The following SLMAP variants were observed in gnomAD, a reference collection of about 807,000 sequenced individuals.
SLMAP encodes the protein sarcolemmal membrane-associated protein.
SLMAP carries 44 observed loss-of-function variants against 128.8 expected under a neutral mutation model. The observed-to-expected ratio is 0.34, with a 90% CI of 0.27 to 0.44. The LOEUF (loss-of-function observed/expected upper bound fraction) is 0.44. Ranked by LOEUF, SLMAP falls within the 20% of genes least tolerant of loss-of-function variation. The pLI is 1.00. For missense variants in SLMAP, 787 were observed against 985.3 expected (o/e 0.80, Z 2.69); for synonymous variants, 327 against 348.8 (o/e 0.94, Z 0.70).
chr3:57,873,883 G>A (rs2095542243), intron 14 of SLMAP, among the ~76,000 whole-genome samples: 1 of 152,164 alleles, frequency 6.6e-6, no homozygotes, highest in South Asian at 2.1e-4. Context: ...TACTTTGGAA[G>A]GCTGAGGCGG....
intron 2 of SLMAP, among the ~76,000 whole-genome samples, chr3:57,810,498 G>A (rs1394972368): frequency 6.6e-6 from 1 of 152,130 alleles, no homozygotes; most frequent in African/African-American, 2.4e-5. Context: ...GAAAAATTCT[G>A]TTGATTTCAC....
At chr3:57,895,510 A>AT (rs2096219296) in intron 15 of SLMAP, among the ~76,000 whole-genome samples, 1 of 151,606 alleles carries the variant, frequency 6.6e-6, no homozygotes. Context: ...AATTTTTTGT[A>AT]TTTTTTGTAG....
chr3:57,900,783 G>A (rs185730945), intron 17 of SLMAP: 16 of 152,344 alleles, frequency 1.1e-4, no homozygotes, highest in African/African-American at 3.1e-4. Context: ...CTCTAGCCTC[G>A]GTGACAGAGC....
intron 3 of SLMAP, among the ~76,000 whole-genome samples, chr3:57,831,990 G>C (rs2093366340): frequency 6.6e-6 from 1 of 152,214 alleles, no homozygotes; most frequent in Non-Finnish European, 1.5e-5. Context: ...ATGGCTGCAA[G>C]CCCCAGGCAT....
intron 2 of SLMAP, among the ~76,000 whole-genome samples, chr3:57,787,621 A>G (rs898199362): frequency 6.6e-6 from 1 of 152,168 alleles, no homozygotes; most frequent in African/African-American, 2.4e-5. Flanking sequence ...GATTACAGGC[A>G]TGCGCCACGA....
intron 15 of SLMAP, among the ~76,000 whole-genome samples, chr3:57,894,757 T>C (rs1210571157): frequency 2.0e-5 from 3 of 152,162 alleles, no homozygotes; most frequent in Non-Finnish European, 2.9e-5. Context: ...AATGGCTCTT[T>C]TGAGGTTAGG....
At chr3:57,871,732 T>C (rs2095483800) in intron 14 of SLMAP, 34 bp downstream of exon 14, 4 of 1,517,630 alleles carry the variant, frequency 2.6e-6, no homozygotes, top group Non-Finnish European at 3.7e-6. Flanking sequence ...TTGATTTTAA[T>C]GAAGTCAGGG....
rs1400924005 is a variant in SLMAP, at chr3:57,909,217, T to G, written c.1699+67T>G. The G allele has an allele frequency of 3.3e-6, 4 of 1,211,366 alleles. No individual in the cohort carries two copies. In the African/African-American group the frequency reaches 6.2e-5, roughly 19 times the overall value. 75.0% of individuals were successfully genotyped at this position (1,211,366 alleles called of 1,614,324 possible). On this transcript the variant is annotated intron_variant, in intron 19 of 24. Transcript: ENST00000671191. ...TTTGTTTTTAGTGATTCAAAAGGAA[T>G]GGAGGCCAGGCGCAGTGGCTCATGC... is the stretch of plus-strand genomic sequence containing the variant.
rs748357817 is a variant in SLMAP at position 57,841,389 on chromosome 3, C to CTGTGAAGTTTT, written c.419+29_419+39dup. The CTGTGAAGTTTT allele has an allele frequency of 6.5e-7, 1 of 1,528,084 alleles. No individual in the cohort carries two copies. Among genetic ancestry groups the CTGTGAAGTTTT allele is most frequent in the African/African-American group, 1.4e-5 (1 of 72,478 alleles). The allele number at this position is 1,528,084 out of a possible 1,614,324, so 94.7% of individuals were successfully genotyped here. A position where few individuals can be genotyped will look rare whatever the true frequency, so the allele number is the denominator to read the frequency against. ...CGCTCAGAGTGAGTATAATTTAGTA[C>CTGTGAAGTTTT]TGTGAAGTTTTTGTGAAGTTTAGTA... On this transcript the variant is annotated intron_variant, in intron 4 of 24. Coordinates refer to ENST00000671191, the MANE Select transcript of SLMAP (RefSeq NM_001377540.1).
At chr3:57,845,012 G>T (rs1286401349) in intron 4 of SLMAP, among the ~76,000 whole-genome samples, 1 of 152,056 alleles carries the variant, frequency 6.6e-6, no homozygotes, top group African/African-American at 2.4e-5. Flanking sequence ...GCAGAGAAAA[G>T]GATATATACC....
chr3:57,805,198 A>G (rs543933773), intron 2 of SLMAP, among the ~76,000 whole-genome samples: 2 of 152,190 alleles, frequency 1.3e-5, no homozygotes, highest in African/African-American at 4.8e-5. Flanking sequence ...GTTTTCCTCA[A>G]ATGTGTGTTC....
At chr3:57,778,246 A>C (rs537193666) in intron 2 of SLMAP, among the ~76,000 whole-genome samples, 1 of 152,194 alleles carries the variant, frequency 6.6e-6, no homozygotes, top group Non-Finnish European at 1.5e-5. Context: ...TGTCTGTTTC[A>C]TCTAAGTTCT....
At chr3:57,761,182 A>T (rs924318775) in intron 2 of SLMAP, among the ~76,000 whole-genome samples, 5 of 152,174 alleles carry the variant, frequency 3.3e-5, no homozygotes, top group Admixed American at 1.3e-4. Context: ...GGAAGAGGGA[A>T]CTATTTAGAC....
intron 2 of SLMAP, among the ~76,000 whole-genome samples, chr3:57,767,334 G>C (rs893831948): frequency 7.2e-5 from 11 of 152,200 alleles, no homozygotes; most frequent in Admixed American, 3.9e-4. Context: ...ATTCATGTTT[G>C]AATGAGGGAA....
chr3:57,909,208 C>G (rs2096635128), intron 19 of SLMAP, 58 bp downstream of exon 19: 4 of 1,314,474 alleles, frequency 3.0e-6, no homozygotes, highest in South Asian at 2.6e-5. Context: ...TTTAGTGATT[C>G]AAAAGGAATG....
At chr3:57,851,475 T>C (rs764405477) in intron 6 of SLMAP, among the ~76,000 whole-genome samples, 24 of 151,380 alleles carry the variant, frequency 1.6e-4, no homozygotes, top group Non-Finnish European at 3.2e-4. Flanking sequence ...TTTTTTGTTT[T>C]TGTTTTTTTT....
intron 19 of SLMAP, 97 bp from the exon 20 acceptor site, chr3:57,912,284 A>G (rs1473983337): frequency 5.0e-6 from 5 of 1,000,844 alleles, no homozygotes; most frequent in Non-Finnish European, 7.5e-6. Context: ...ATCAAAAGCA[A>G]CAGCTCTGAC....
At chr3:57,761,057 A>T (rs2078534872) in intron 2 of SLMAP, among the ~76,000 whole-genome samples, 1 of 149,338 alleles carries the variant, frequency 6.7e-6, no homozygotes, top group African/African-American at 2.5e-5. Context: ...ACATCTGGGG[A>T]TGATAATGGT....
chr3:57,839,013 G>A (rs2093779395), intron 3 of SLMAP, among the ~76,000 whole-genome samples: 1 of 152,064 alleles, frequency 6.6e-6, no homozygotes, highest in African/African-American at 2.4e-5. Context: ...GAGTGCAGTG[G>A]TGTGATCATG....
Sources: allele counts gnomAD v4.1 joint callset (sites outside exome capture counted in the v4.1 genomes callset), GRCh38; gene constraint gnomAD v4.1.1; transcripts MANE v1.5; gene names NCBI Gene and HGNC (gene_info 2026-07-23, HGNC 2026-07-21).